The following SRBD1 variants were observed in gnomAD, a reference collection of about 807,000 sequenced individuals.
The protein encoded by SRBD1 is S1 RNA-binding domain-containing protein 1.
A neutral mutation model predicts 115.3 loss-of-function variants in SRBD1; 88 were observed. The ratio of observed to expected loss-of-function variants is 0.76; its 90% CI spans 0.64 to 0.91. SRBD1 has a LOEUF of 0.91. Among genes scored for constraint, SRBD1 ranks in the 40% least tolerant of loss-of-function variants. SRBD1 has a pLI of 0.00. For synonymous variants in SRBD1, 509 were observed against 407.7 expected, an observed-to-expected ratio of 1.25 and a Z score of -2.99; for missense variants, 1,385 against 1,177.4, an observed-to-expected ratio of 1.18 and a Z score of -2.58.
intron 16 of SRBD1, among the ~76,000 whole-genome samples, chr2:45,449,922 C>G (rs566424146): frequency 6.6e-6 from 1 of 152,260 alleles, no homozygotes; most frequent in African/African-American, 2.4e-5. Flanking sequence ...TAAGGGTGAT[C>G]TGGGTCTATA....
At chr2:45,398,583 T>C (rs1278811450) in intron 19 of SRBD1, among the ~76,000 whole-genome samples, 1 of 152,184 alleles carries the variant, frequency 6.6e-6, no homozygotes, top group African/African-American at 2.4e-5. Flanking sequence ...GGAGAATATA[T>C]CCTTAGAAAG....
At position 45,477,053 on chromosome 2, in the gene SRBD1, T is replaced by C; in HGVS notation, c.1989A>G (p.Gln663=). ...TTTTCACTAGCTCAGCTAATGGATC[T>C]TGTACACGCCTTGCTATGGAAACTG... ...RSAVSIARRV[Q]DPLAELVKIE... is the part of the protein sequence containing the mutation. The change falls in exon 16 of 21, where the codon CAA becomes CAG. Residue 663 remains glutamine (Q), a synonymous_variant. Transcript: ENST00000263736. 1 of 1,613,724 alleles carries C rather than the reference T, an allele frequency of 6.2e-7. No homozygotes were observed. The highest frequency in any genetic ancestry group is 8.5e-7 in the Non-Finnish European group (1 of 1,179,876).
At chr2:45,541,345 C>T (rs994347302) in intron 14 of SRBD1, among the ~76,000 whole-genome samples, 1 of 152,220 alleles carries the variant, frequency 6.6e-6, no homozygotes, top group African/African-American at 2.4e-5. Context: ...GGTCTGGGCT[C>T]CCCAAAGGGC....
chr2:45,553,814 A>T, intron 10 of SRBD1, 84 bp from the exon 11 acceptor site: 1 of 806,828 alleles, frequency 1.2e-6, no homozygotes, highest in Non-Finnish European at 1.9e-6. Flanking sequence ...GGGAGATGGA[A>T]TACAGAAGCG....
At chr2:45,577,713 G>C (rs1673223623) in intron 7 of SRBD1, among the ~76,000 whole-genome samples, 1 of 151,914 alleles carries the variant, frequency 6.6e-6, no homozygotes, top group Non-Finnish European at 1.5e-5. Flanking sequence ...AGGAATGATA[G>C]GAATTATGAA....
chr2:45,390,685 T>C (rs1666970946), intron 20 of SRBD1, among the ~76,000 whole-genome samples: 2 of 152,208 alleles, frequency 1.3e-5, no homozygotes, highest in South Asian at 4.1e-4. Flanking sequence ...CTGTTGGCTT[T>C]ATCCTGATGA....
intron 10 of SRBD1, among the ~76,000 whole-genome samples, chr2:45,554,655 AG>A (rs1261421516): frequency 6.6e-6 from 1 of 152,208 alleles, no homozygotes; most frequent in Admixed American, 6.5e-5. Flanking sequence ...GGACAAATGT[AG>A]CCTCACTGAA....
At chr2:45,581,590 C>A in intron 6 of SRBD1, 103 bp downstream of exon 6, 1 of 753,716 alleles carries the variant, frequency 1.3e-6, no homozygotes, top group Non-Finnish European at 2.2e-6. Flanking sequence ...ATAATGGTGG[C>A]TAATGACGTT....
Position 45,477,078 on chromosome 2 carries a change from G to A in SRBD1, c.1967-3C>T. ...TTGTACACGCCTTGCTATGGAAACT[G>A]AAAAAACAGAATCAGAAAACAAGTA... On this transcript the variant is annotated splice_polypyrimidine_tract_variant and splice_region_variant and intron_variant, in intron 15 of 20. Transcript: ENST00000263736. The A allele has an allele frequency of 6.2e-7, 1 of 1,612,442 alleles. No individual in the cohort carries two copies. Among genetic ancestry groups the A allele is most frequent in the Non-Finnish European group, 8.5e-7 (1 of 1,179,306 alleles).
intron 10 of SRBD1, among the ~76,000 whole-genome samples, chr2:45,560,007 G>A (rs917255744): frequency 2.0e-5 from 3 of 152,044 alleles, no homozygotes; most frequent in Non-Finnish European, 4.4e-5. Context: ...CTTGAAACTG[G>A]GAAGTCAAGG....
At chr2:45,482,934 T>C (rs1287797500) in intron 15 of SRBD1, among the ~76,000 whole-genome samples, 1 of 152,142 alleles carries the variant, frequency 6.6e-6, no homozygotes, top group Non-Finnish European at 1.5e-5. Flanking sequence ...ATAATTGTTA[T>C]ACTATATTTT....
chr2:45,507,446 G>A (rs931905394), intron 14 of SRBD1, among the ~76,000 whole-genome samples: 5 of 152,064 alleles, frequency 3.3e-5, no homozygotes, highest in Admixed American at 2.0e-4. Flanking sequence ...GGCTGGGCGC[G>A]GCGGCTCACG....
chr2:45,421,568 A>C, intron 16 of SRBD1, among the ~76,000 whole-genome samples: 1 of 148,086 alleles, frequency 6.8e-6, no homozygotes, highest in East Asian at 2.1e-4. Context: ...GCATCTTACA[A>C]TTGATGAAAT....
chr2:45,606,911 C>T (rs1403853707), intron 1 of SRBD1, among the ~76,000 whole-genome samples: 2 of 152,264 alleles, frequency 1.3e-5, no homozygotes, highest in Non-Finnish European at 1.5e-5. Flanking sequence ...TTCTAACATC[C>T]GCTTAGAAGA....
chr2:45,590,172 C>T (rs1673673531), intron 4 of SRBD1, among the ~76,000 whole-genome samples: 1 of 152,198 alleles, frequency 6.6e-6, no homozygotes, highest in Admixed American at 6.5e-5. Context: ...AAAATCATAA[C>T]TGAGAAAATT....
In SRBD1 at chr2:45,579,973, TG is replaced by T; in HGVS notation, c.973del (p.Gln325ArgfsTer8). The T allele has an allele frequency of 6.2e-7, 1 of 1,602,528 alleles. No individual in the cohort carries two copies. Among genetic ancestry groups the T allele is most frequent in the Non-Finnish European group, 8.5e-7 (1 of 1,175,116 alleles). ...TTCTAAGCCCAACTGTCTTGCTCTC[TG>T]GGCTTTAGTCCCTTTGCTTCCAGTT... ...YKTGSKGTKAQRARQLGLEGA... is the reference protein window; with the variant it reads ...YKTGSKGTKAXRARQLGLEGA... On this transcript the variant is annotated frameshift_variant, in exon 7 of 21. Coordinates refer to ENST00000263736, the MANE Select transcript of SRBD1 (RefSeq NM_018079.5). LOFTEE classifies it high-confidence loss of function.
chr2:45,523,275 GA>G (rs61024871), intron 14 of SRBD1, among the ~76,000 whole-genome samples: 5,807 of 86,534 alleles, frequency 0.067, 323 homozygotes, highest in African/African-American at 0.21. Context: ...CAAAACGCTG[GA>G]AAAAAAAAAA....
intron 19 of SRBD1, among the ~76,000 whole-genome samples, chr2:45,403,510 G>A (rs1437851433): frequency 1.3e-5 from 2 of 152,046 alleles, no homozygotes; most frequent in African/African-American, 2.4e-5. Flanking sequence ...AGGTGCAAGG[G>A]ATAGAGAGGT....
chr2:45,399,906 G>A (rs1489923694), intron 19 of SRBD1, among the ~76,000 whole-genome samples: 1 of 152,140 alleles, frequency 6.6e-6, no homozygotes, highest in Non-Finnish European at 1.5e-5. Flanking sequence ...TTTGAAAGAA[G>A]AGGGCAAATT....
Sources: gnomAD v4.1 joint callset for allele counts (sites outside exome capture counted in the v4.1 genomes callset) on GRCh38, gnomAD v4.1.1 for gene constraint, MANE v1.5 for transcripts, NCBI Gene and HGNC (gene_info 2026-07-23, HGNC 2026-07-21) for gene names.